SLIT2: variants seen among roughly 807,000 people sequenced by gnomAD.
SLIT2 encodes slit homolog 2 protein.
Under a neutral mutation model 185.7 loss-of-function variants are expected in SLIT2, and 41 were observed. The ratio of observed to expected loss-of-function variants is 0.22; its 90% CI spans 0.17 to 0.29. SLIT2 has a LOEUF of 0.29. Among genes scored for constraint, SLIT2 ranks in the 10% least tolerant of loss-of-function variants. The probability of loss-of-function intolerance (pLI) is 1.00; values close to 1 mark genes in which losing one functional copy is unlikely to be tolerated. For synonymous variants in SLIT2, 693 were observed against 680.2 expected (o/e 1.02, Z -0.29); for missense variants, 1,571 against 1,909.0 (o/e 0.82, Z 3.30).
chr4:20,438,842 C>T (rs568051721), intron 4 of SLIT2, among the ~76,000 whole-genome samples: 9 of 152,294 alleles, frequency 5.9e-5, no homozygotes, highest in East Asian at 1.9e-4. Context: ...CTACTTAATG[C>T]GGTTTATGTG....
Position 20,486,361 on chromosome 4 carries a change from T to G in SLIT2, c.611+90T>G, listed in dbSNP as rs563970409. 3 of 755,496 alleles carry G rather than the reference T, an allele frequency of 4.0e-6. No individual in the cohort carries two copies. In the East Asian group the frequency reaches 7.6e-5, roughly 19 times the overall value. The allele number at this position is 755,496 out of a possible 1,614,324, so 46.8% of individuals were successfully genotyped here. On this transcript the variant is annotated intron_variant, in intron 7 of 36. Coordinates refer to ENST00000504154, the MANE Select transcript of SLIT2 (RefSeq NM_004787.4). ...TTCAGTAAGCAAAGGACAGGACCAC[T>G]GGTTTACAAGGTAGACAAGGAAAAC...
rs76885347 is a variant in SLIT2 at position 20,404,450 on chromosome 4, C to T, written c.396-63302C>T. On this transcript the variant is annotated intron_variant, in intron 4 of 36. Coordinates refer to ENST00000504154, the MANE Select transcript of SLIT2 (RefSeq NM_004787.4). ...GACCCTGGACAAGCAGCTTAATTCT[C>T]CGAGTTTCATAAGGTTAAGTTTTGG... 1.5e-3 allele frequency among the ~76,000 whole-genome samples: 223 copies of T among 152,048 alleles called. 4 individuals carry two copies. The East Asian group carries it at 0.037, about 26-fold the overall frequency.
At chr4:20,472,427 G>GATATATAGATATAGATATCTATATATCT (rs1715394385) in intron 5 of SLIT2, among the ~76,000 whole-genome samples, 6 of 44,116 alleles carry the variant, frequency 1.4e-4, no homozygotes, top group South Asian at 1.4e-3. Flanking sequence ...TATATATATA[G>GATATATAGATATAGATATCTATATATCT]ATATCTATAG....
intron 5 of SLIT2, among the ~76,000 whole-genome samples, chr4:20,468,106 G>GT (rs1340726634): frequency 2.6e-5 from 4 of 151,998 alleles, no homozygotes; most frequent in Admixed American, 6.6e-5. Flanking sequence ...AGATATTTGT[G>GT]TTTTTTCCCC....
At chr4:20,582,996 C>T (rs1726725843) in intron 29 of SLIT2, among the ~76,000 whole-genome samples, 1 of 152,178 alleles carries the variant, frequency 6.6e-6, no homozygotes, top group African/African-American at 2.4e-5. Flanking sequence ...AACAAGATTT[C>T]ACCAAGCTAC....
At chr4:20,295,137 T>A (rs1360719425) in intron 4 of SLIT2, among the ~76,000 whole-genome samples, 2 of 152,204 alleles carry the variant, frequency 1.3e-5, no homozygotes, top group African/African-American at 4.8e-5. Context: ...TTGGGAAGAT[T>A]GCAAAAGAAC....
At chr4:20,420,546 C>T (rs1269784732) in intron 4 of SLIT2, among the ~76,000 whole-genome samples, 3 of 151,704 alleles carry the variant, frequency 2.0e-5, no homozygotes, top group African/African-American at 4.8e-5. Flanking sequence ...TAATTTTATC[C>T]TTGTAGAACC....
chr4:20,257,181 A>G (rs145455994), intron 2 of SLIT2, among the ~76,000 whole-genome samples: 10 of 152,228 alleles, frequency 6.6e-5, no homozygotes, highest in Admixed American at 6.5e-4. Context: ...AAAATCAACC[A>G]TTCAAATTTT....
intron 4 of SLIT2, among the ~76,000 whole-genome samples, chr4:20,355,551 G>A (rs1362363057): frequency 6.6e-6 from 1 of 152,068 alleles, no homozygotes; most frequent in Admixed American, 6.6e-5. Flanking sequence ...ATTTTCTTAA[G>A]GAAAGCTTAC....
At chr4:20,392,850 A>G (rs1331025328) in intron 4 of SLIT2, among the ~76,000 whole-genome samples, 2 of 152,102 alleles carry the variant, frequency 1.3e-5, no homozygotes, top group Non-Finnish European at 2.9e-5. Context: ...GTCATCTAGG[A>G]TAACAATGCC....
intron 15 of SLIT2, among the ~76,000 whole-genome samples, chr4:20,527,825 T>C (rs1333784401): frequency 6.6e-6 from 1 of 152,206 alleles, no homozygotes; most frequent in African/African-American, 2.4e-5. Context: ...TTTCTTTCCT[T>C]CTTGGTGATC....
In SLIT2 at chr4:20,609,676, G is replaced by T. The variant is rs372020620; in HGVS notation, c.3693-337G>T. Among the ~76,000 whole-genome samples, 14 of 152,232 alleles carry T rather than the reference G, an allele frequency of 9.2e-5. No individual in the cohort carries two copies. In the South Asian group the frequency reaches 2.9e-3, roughly 32 times the overall value. ...TGAAGTAATAGTATCTTGGTAAATG[G>T]ACCTTTTATGGAAGTTAAAAGCAAA... On this transcript the variant is annotated intron_variant, in intron 33 of 36. Coordinates refer to ENST00000504154, the MANE Select transcript of SLIT2 (RefSeq NM_004787.4).
chr4:20,593,347 T>A (rs941724421), intron 30 of SLIT2, among the ~76,000 whole-genome samples: 4 of 152,154 alleles, frequency 2.6e-5, no homozygotes, highest in Admixed American at 6.5e-5. Context: ...GTATTATATA[T>A]ACTTTATGCT....
chr4:20,619,049 A>G lies in SLIT2; in HGVS notation c.*40A>G, dbSNP rs1466170805. 6.3e-7 allele frequency: 1 copy of G among 1,589,830 alleles called. No homozygotes were observed. Among genetic ancestry groups the G allele is most frequent in the Admixed American group, 1.7e-5 (1 of 59,456 alleles). On this transcript the variant is annotated 3_prime_UTR_variant, in exon 37 of 37. Coordinates refer to ENST00000504154, the MANE Select transcript of SLIT2 (RefSeq NM_004787.4). ...GCTCTGTCTTTGGAAAAGGTTGTAT[A>G]CTTCTTGACCGTGTGGGACTAATGA...
At chr4:20,430,884 T>G (rs934952460) in intron 4 of SLIT2, among the ~76,000 whole-genome samples, 5 of 152,174 alleles carry the variant, frequency 3.3e-5, no homozygotes, top group Admixed American at 3.3e-4. Flanking sequence ...GAGATCCATA[T>G]CTACATGTAT....
At chr4:20,618,629 C>T (rs982760089) in intron 36 of SLIT2, 139 bp from the exon 37 acceptor site, 32 of 795,924 alleles carry the variant, frequency 4.0e-5, no homozygotes, top group Non-Finnish European at 5.6e-5. Context: ...AATAGGAGGC[C>T]GTGCCACCAG....
chr4:20,522,368 T>C (rs527608537), intron 12 of SLIT2, among the ~76,000 whole-genome samples: 57 of 152,156 alleles, frequency 3.7e-4, no homozygotes, highest in Non-Finnish European at 6.5e-4. Context: ...GTGGTGCCTG[T>C]TAGGGATGGA....
intron 4 of SLIT2, among the ~76,000 whole-genome samples, chr4:20,398,233 G>T (rs1425850142): frequency 6.6e-6 from 1 of 151,808 alleles, no homozygotes; most frequent in African/African-American, 2.4e-5. Flanking sequence ...AACAACAGAA[G>T]ATGGAGATGT....
chr4:20,563,177 T>G (rs1012499694), intron 26 of SLIT2, among the ~76,000 whole-genome samples: 4 of 151,738 alleles, frequency 2.6e-5, no homozygotes, highest in Admixed American at 2.6e-4. Flanking sequence ...TAACCACACC[T>G]CCACCCATAT....
Sources: allele counts gnomAD v4.1 joint callset (sites outside exome capture counted in the v4.1 genomes callset), GRCh38; gene constraint gnomAD v4.1.1; transcripts MANE v1.5; gene names NCBI Gene and HGNC (gene_info 2026-07-23, HGNC 2026-07-21).